The following ESF1 variants were observed in gnomAD, a reference collection of about 807,000 sequenced individuals.
The protein encoded by ESF1 is ESF1 nucleolar pre-rRNA processing protein.
ESF1 carries 58 observed loss-of-function variants against 92.0 expected under a neutral mutation model. That is an observed-to-expected ratio of 0.63 (90% CI 0.51 to 0.78). The LOEUF is 0.78. Ranked by LOEUF, ESF1 falls within the 30% of genes least tolerant of loss-of-function variation. The pLI is 0.00. For missense variants in ESF1, 922 were observed against 989.1 expected (o/e 0.93, Z 0.91); for synonymous variants, 321 against 313.7 (o/e 1.02, Z -0.24).
chr20:13,752,278 C>T (rs910178698), intron 9 of ESF1, among the ~76,000 whole-genome samples: 1 of 152,170 alleles, frequency 6.6e-6, no homozygotes, highest in Admixed American at 6.5e-5. Context: ...GGAGCTCACG[C>T]TTAGGTTTTA....
At chr20:13,715,190 AATT>A in intron 13 of ESF1, 23 bp from the exon 14 acceptor site, 4 of 1,463,568 alleles carry the variant, frequency 2.7e-6, no homozygotes, top group Non-Finnish European at 3.6e-6. Context: ...AAAAAAAAAA[AATT>A]AATAAATTAA....
chr20:13,746,175 G>A (rs1440391452), intron 9 of ESF1, among the ~76,000 whole-genome samples: 1 of 152,094 alleles, frequency 6.6e-6, no homozygotes, highest in Non-Finnish European at 1.5e-5. Context: ...ATATTGGCCA[G>A]GCTGGTCTTG....
At chr20:13,752,746 G>GA (rs1978697225) in intron 9 of ESF1, among the ~76,000 whole-genome samples, 5 of 152,206 alleles carry the variant, frequency 3.3e-5, no homozygotes, top group Admixed American at 3.3e-4. Context: ...ACTGAACAGA[G>GA]AAATGGAGAT....
intron 9 of ESF1, among the ~76,000 whole-genome samples, chr20:13,756,963 G>C (rs559703602): frequency 6.6e-6 from 1 of 152,100 alleles, no homozygotes; most frequent in Non-Finnish European, 1.5e-5. Context: ...CTTGTTATTT[G>C]TGGGTTTGAG....
At chr20:13,739,454 C>T (rs997374880) in intron 9 of ESF1, among the ~76,000 whole-genome samples, 9 of 152,102 alleles carry the variant, frequency 5.9e-5, no homozygotes, top group Non-Finnish European at 1.2e-4. Context: ...TTTGCCTGTA[C>T]TTTATTTGTA....
intron 5 of ESF1, 75 bp downstream of exon 5, chr20:13,772,440 T>A: frequency 8.7e-7 from 1 of 1,146,116 alleles, no homozygotes; most frequent in Non-Finnish European, 1.3e-6. Flanking sequence ...GTTTTAACTA[T>A]TAAGGTGACC....
At chr20:13,760,314 G>C (rs368075359) in intron 8 of ESF1, among the ~76,000 whole-genome samples, 1 of 148,390 alleles carries the variant, frequency 6.7e-6, no homozygotes, top group African/African-American at 2.5e-5. Flanking sequence ...AGTGAGGAGC[G>C]CCTCTTCCCG....
At chr20:13,743,203 C>T (rs1209435322) in intron 9 of ESF1, among the ~76,000 whole-genome samples, 1 of 152,146 alleles carries the variant, frequency 6.6e-6, no homozygotes, top group Non-Finnish European at 1.5e-5. Context: ...GAGGTATTAC[C>T]TCACACTTGC....
rs572729815 is a variant in ESF1, at chr20:13,763,476, A to G, written c.1666+3301T>C. Among the ~76,000 whole-genome samples the G allele has an allele frequency of 3.2e-4, 49 of 152,368 alleles. 1 individual carries two copies. In the South Asian group the frequency reaches 4.3e-3, roughly 14 times the overall value. On this transcript the variant is annotated intron_variant, in intron 8 of 13. Transcript: ENST00000617257. ...AATCTATTTGAACAACTTGTATCCA[A>G]TCTTCACAAGTGTACATAAAAAGTT...
intron 9 of ESF1, among the ~76,000 whole-genome samples, chr20:13,748,604 T>TTGAGATGGAG (rs1978441659): frequency 1.7e-5 from 2 of 121,026 alleles, no homozygotes; most frequent in Non-Finnish European, 3.5e-5. Flanking sequence ...TTTTTTTTTT[T>TTGAGATGGAG]TGAGATGGAG....
chr20:13,782,942 C>T lies in ESF1; in HGVS notation c.199G>A (p.Asp67Asn). 6.2e-7 allele frequency: 1 copy of T among 1,614,072 alleles called. No individual in the cohort carries two copies. Among genetic ancestry groups the T allele is most frequent in the Non-Finnish European group, 8.5e-7 (1 of 1,180,020 alleles). Reference sequence around the variant, plus strand: ...GAAAGGTCGTAAAAACGCTTCAAATCCTCTGTAGTGCTATGGCTAATGGGG... The same window carrying T: ...GAAAGGTCGTAAAAACGCTTCAAATTCTCTGTAGTGCTATGGCTAATGGGG... ...GRPISHSTTE[D>N]LKRFYDLSDS... Residue 67 changes from aspartate (D) to asparagine (N), a missense_variant, in exon 2 of 14, where the codon GAT (aspartate) becomes AAT (asparagine). Transcript: ENST00000617257.
rs191757300 is a variant in ESF1, at chr20:13,753,195, A to G, written c.1828+6497T>C. Among the ~76,000 whole-genome samples the G allele has an allele frequency of 2.0e-5, 3 of 152,152 alleles. No homozygotes were observed. In the East Asian group the frequency reaches 5.8e-4, roughly 29 times the overall value. ...CCCAAAACAATGCCGAACATCCTCA[A>G]TGACTAAAGCCGTTCTACTCACTAG... On this transcript the variant is annotated intron_variant, in intron 9 of 13. Coordinates refer to ENST00000617257, the MANE Select transcript of ESF1 (RefSeq NM_001276380.2).
At chr20:13,748,996 A>G (rs989108654) in intron 9 of ESF1, among the ~76,000 whole-genome samples, 31 of 152,266 alleles carry the variant, frequency 2.0e-4, no homozygotes, top group African/African-American at 7.2e-4. Context: ...AATAAAATAT[A>G]TTTTATGATG....
At chr20:13,717,750 T>C (rs1440117881) in intron 12 of ESF1, among the ~76,000 whole-genome samples, 1 of 152,166 alleles carries the variant, frequency 6.6e-6, no homozygotes, top group Admixed American at 6.5e-5. Context: ...GGTAAAACCT[T>C]GTAGTTAAAA....
chr20:13,748,548 G>GACACA (rs1978415251), intron 9 of ESF1, among the ~76,000 whole-genome samples: 6 of 49,552 alleles, frequency 1.2e-4, no homozygotes, highest in Non-Finnish European at 1.6e-4. Flanking sequence ...ATATGTGTGT[G>GACACA]TATATATATA....
chr20:13,723,419 C>CA (rs2049881137), intron 11 of ESF1, among the ~76,000 whole-genome samples: 1 of 151,480 alleles, frequency 6.6e-6, no homozygotes, highest in African/African-American at 2.4e-5. Flanking sequence ...CACTAGGACT[C>CA]AGATTCTACC....
Position 13,759,859 on chromosome 20 carries a change from GAAA to G in ESF1, c.1667-9_1667-7del, listed in dbSNP as rs759518370. The G allele has an allele frequency of 6.4e-7, 1 of 1,566,826 alleles. No homozygotes were observed. The highest frequency in any genetic ancestry group is 8.6e-7 in the Non-Finnish European group (1 of 1,163,912). ...TACATTGACTCCATCATCACCTAAT[GAAA>G]AAAAAATTCACTTAATACACAGAAA... On this transcript the variant is annotated splice_polypyrimidine_tract_variant and splice_region_variant and intron_variant, in intron 8 of 13. Coordinates refer to ENST00000617257, the MANE Select transcript of ESF1 (RefSeq NM_001276380.2).
At chr20:13,761,495 T>C (rs978534959) in intron 8 of ESF1, among the ~76,000 whole-genome samples, 2 of 151,992 alleles carry the variant, frequency 1.3e-5, no homozygotes, top group African/African-American at 4.8e-5. Context: ...AATGTTATGC[T>C]GAATAAATGT....
chr20:13,717,644 G>A, intron 12 of ESF1, 130 bp from the exon 13 acceptor site: 1 of 947,372 alleles, frequency 1.1e-6, no homozygotes, highest in Non-Finnish European at 1.6e-6. Flanking sequence ...GGTACCACCT[G>A]TTGTCTGTAA....
Sources: gnomAD v4.1 joint callset for allele counts (sites outside exome capture counted in the v4.1 genomes callset) on GRCh38, gnomAD v4.1.1 for gene constraint, MANE v1.5 for transcripts, NCBI Gene and HGNC (gene_info 2026-07-23, HGNC 2026-07-21) for gene names.